The following ZNF766 variants were observed in gnomAD, a reference collection of about 807,000 sequenced individuals.
ZNF766 encodes the protein zinc finger protein 766.
A neutral mutation model predicts 13.2 loss-of-function variants in ZNF766; 13 were observed. The ratio of observed to expected loss-of-function variants is 0.98; its 90% CI spans 0.64 to 1.56. The LOEUF (loss-of-function observed/expected upper bound fraction) is 1.56, where lower values mean the gene tolerates loss of function less well. Ranked by LOEUF, ZNF766 falls within the 40% of genes most tolerant of loss-of-function variation. The pLI, the probability that ZNF766 is intolerant of heterozygous loss-of-function variation, is 0.00. For synonymous variants in ZNF766, 178 were observed against 187.6 expected (o/e 0.95, Z 0.42); for missense variants, 521 against 552.2 (o/e 0.94, Z 0.57).
chr19:52,280,364 A>AT (rs1271154756), intron 1 of ZNF766, among the ~76,000 whole-genome samples: 1 of 151,828 alleles, frequency 6.6e-6, no homozygotes, highest in African/African-American at 2.4e-5. Flanking sequence ...GTCTCTAAGA[A>AT]TTTTTTTTAA....
At chr19:52,279,213 A>G (rs1449767322) in intron 1 of ZNF766, among the ~76,000 whole-genome samples, 3 of 152,084 alleles carry the variant, frequency 2.0e-5, no homozygotes, top group Non-Finnish European at 4.4e-5. Flanking sequence ...TGGGCTGACT[A>G]TTCTGTTCCA....
chr19:52,289,417 G>T (rs1435311503), intron 3 of ZNF766, among the ~76,000 whole-genome samples: 1 of 151,904 alleles, frequency 6.6e-6, no homozygotes, highest in African/African-American at 2.4e-5. Context: ...CTCCCAAAGT[G>T]CTGGGATTAC....
At position 52,283,492 on chromosome 19, in the gene ZNF766, T is replaced by C; in HGVS notation, c.274+79T>C. 4 of 1,454,180 alleles carry C rather than the reference T, an allele frequency of 2.8e-6. No homozygotes were observed. In the South Asian group the frequency reaches 5.6e-5, roughly 20 times the overall value. The allele number at this position is 1,454,180 out of a possible 1,614,324, so 90.1% of individuals were successfully genotyped here. ...ACAGTCTCTGTTCCCCACACTGGAG[T>C]GCATTGGCCATCATAGCTCACTGCA... On this transcript the variant is annotated intron_variant, in intron 3 of 3. Transcript: ENST00000439461.
At chr19:52,289,774 G>A (rs1040084207) in intron 3 of ZNF766, among the ~76,000 whole-genome samples, 8 of 152,082 alleles carry the variant, frequency 5.3e-5, no homozygotes, top group African/African-American at 1.7e-4. Flanking sequence ...GCCACGGCGG[G>A]CGGATCACGA....
At chr19:52,270,374 A>T (rs1285451936) in intron 1 of ZNF766, among the ~76,000 whole-genome samples, 1 of 152,096 alleles carries the variant, frequency 6.6e-6, no homozygotes, top group Admixed American at 6.6e-5. Flanking sequence ...AAAGTGAAAG[A>T]AGCACCCCAG....
intron 3 of ZNF766, among the ~76,000 whole-genome samples, 167 bp from the exon 4 acceptor site, chr19:52,289,899 G>T (rs542670480): frequency 6.6e-6 from 1 of 152,314 alleles, no homozygotes; most frequent in East Asian, 1.9e-4. Flanking sequence ...TACTTGGGAG[G>T]CTGAGGCAGG....
Position 52,277,726 on chromosome 19 carries a change from A to T in ZNF766, c.19-4385A>T, listed in dbSNP as rs575051040. Among the ~76,000 whole-genome samples the T allele has an allele frequency of 2.6e-5, 4 of 152,082 alleles. No homozygotes were observed. The South Asian group carries it at 8.3e-4, about 32-fold the overall frequency. On this transcript the variant is annotated intron_variant, in intron 1 of 3. Coordinates refer to ENST00000439461, the MANE Select transcript of ZNF766 (RefSeq NM_001010851.3). Reference sequence around the variant, plus strand: ...CCATCTCTTGTGACCCAGTGACATGAACTTGGGAAGAGGCTGCACTGGGCG... The same window carrying T: ...CCATCTCTTGTGACCCAGTGACATGTACTTGGGAAGAGGCTGCACTGGGCG...
intron 3 of ZNF766, among the ~76,000 whole-genome samples, chr19:52,286,270 T>G (rs1981820633): frequency 6.6e-6 from 1 of 151,580 alleles, no homozygotes; most frequent in African/African-American, 2.4e-5. Flanking sequence ...ATATGGACTC[T>G]ATTATGTTAA....
At position 52,293,087 on chromosome 19, in the gene ZNF766, T is replaced by C. The variant is rs1190481280; in HGVS notation, c.*1889T>C. On this transcript the variant is annotated 3_prime_UTR_variant, in exon 4 of 4. Coordinates refer to ENST00000439461, the MANE Select transcript of ZNF766 (RefSeq NM_001010851.3). ...GGTGTTTGGTCTTCTGTCACTGTGA[T>C]AGTTTGCTGAGAATGATGGTTTCCA... The C allele has an allele frequency of 2.6e-5, 4 of 152,064 alleles. No homozygotes were observed. The highest frequency in any genetic ancestry group is 1.9e-4 in the East Asian group (1 of 5,192). The allele number at this position is 152,064 out of a possible 1,614,324, so 9.4% of individuals were successfully genotyped here.
At chr19:52,288,781 A>G (rs1425989942) in intron 3 of ZNF766, among the ~76,000 whole-genome samples, 1 of 146,596 alleles carries the variant, frequency 6.8e-6, no homozygotes, top group Non-Finnish European at 1.5e-5. Flanking sequence ...GCTGTGTTAT[A>G]TTTACATTTT....
At chr19:52,282,796 A>T (rs925497236) in intron 2 of ZNF766, among the ~76,000 whole-genome samples, 1 of 152,184 alleles carries the variant, frequency 6.6e-6, no homozygotes, top group Non-Finnish European at 1.5e-5. Flanking sequence ...AACTTTTAAA[A>T]TATCCAGTTC....
At chr19:52,275,838 G>A (rs1981170014) in intron 1 of ZNF766, among the ~76,000 whole-genome samples, 1 of 151,918 alleles carries the variant, frequency 6.6e-6, no homozygotes, top group Admixed American at 6.6e-5. Context: ...CCACTTTCAT[G>A]CCTAGCTAAT....
intron 3 of ZNF766, among the ~76,000 whole-genome samples, chr19:52,287,550 G>C (rs57634116): frequency 6.6e-6 from 1 of 152,220 alleles, no homozygotes; most frequent in Non-Finnish European, 1.5e-5. Context: ...AGATTTTGAG[G>C]ATTGGTGTTA....
intron 1 of ZNF766, chr19:52,274,364 C>T (rs1187932513): frequency 6.6e-6 from 1 of 152,566 alleles, no homozygotes; most frequent in Non-Finnish European, 1.5e-5. Flanking sequence ...CTGAAAAATT[C>T]CCGTTGCCTA....
At position 52,290,650 on chromosome 19, in the gene ZNF766, G is replaced by C. The variant is rs1982089724; in HGVS notation, c.859G>C (p.Val287Leu). Residue 287 changes from valine (V) to leucine (L), a missense_variant, in exon 4 of 4, where the codon GTA becomes CTA. By Grantham distance (32) the Val-to-Leu change is conservative. Transcript: ENST00000439461. ...GKVFSRITYLVRHQKIHTREK... is the reference protein window; with the variant it reads ...GKVFSRITYLLRHQKIHTREK... ...GGTCTTCAGTCGAATTACATACCTT[G>C]TACGACATCAGAAAATTCATACTAG... 1.4e-5 allele frequency: 22 copies of C among 1,613,728 alleles called. No homozygotes were observed. The highest frequency in any genetic ancestry group is 1.7e-5 in the Non-Finnish European group (20 of 1,179,822).
chr19:52,289,775 C>T (rs567209172), intron 3 of ZNF766, among the ~76,000 whole-genome samples: 46 of 152,088 alleles, frequency 3.0e-4, no homozygotes, highest in African/African-American at 8.4e-4. Context: ...CCACGGCGGG[C>T]GGATCACGAG....
chr19:52,280,587 T>G (rs773197591), intron 1 of ZNF766, among the ~76,000 whole-genome samples: 1 of 151,988 alleles, frequency 6.6e-6, no homozygotes, highest in Admixed American at 6.6e-5. Context: ...TTTAATTTTA[T>G]TTTTCATTTT....
chr19:52,278,796 C>T (rs1045976731), intron 1 of ZNF766, among the ~76,000 whole-genome samples: 3 of 152,218 alleles, frequency 2.0e-5, no homozygotes, highest in Non-Finnish European at 2.9e-5. Context: ...ATGCATAGTT[C>T]GCAAAAATTT....
chr19:52,290,510 A>G lies in ZNF766; in HGVS notation c.719A>G (p.Glu240Gly). The change falls in exon 4 of 4, where the codon GAG (glutamate) becomes GGG (glycine). Residue 240 changes from glutamate (E) to glycine (G), a missense_variant. By Grantham distance (98) the Glu-to-Gly change is moderately conservative (BLOSUM62 -2). Transcript: ENST00000439461. Reference protein sequence around the residue: ...LAEHWRIRTGEKPYKCKECGK... With the variant: ...LAEHWRIRTGGKPYKCKECGK... ...GAACATTGGAGAATTCGTACAGGAGAGAAACCTTACAAATGTAAAGAGTGT... is the reference window on the plus strand; with the variant it reads ...GAACATTGGAGAATTCGTACAGGAGGGAAACCTTACAAATGTAAAGAGTGT... 1 of 1,614,176 alleles carries G rather than the reference A, an allele frequency of 6.2e-7. No homozygotes were observed. Among genetic ancestry groups the G allele is most frequent in the East Asian group, 2.2e-5 (1 of 44,892 alleles).
Sources: allele counts gnomAD v4.1 joint callset (sites outside exome capture counted in the v4.1 genomes callset), GRCh38; gene constraint gnomAD v4.1.1; transcripts MANE v1.5; gene names NCBI Gene and HGNC (gene_info 2026-07-23, HGNC 2026-07-21).